PCCA: variants seen among roughly 807,000 people sequenced by gnomAD.
PCCA encodes the protein propionyl-CoA carboxylase alpha chain, mitochondrial.
PCCA carries 74 observed loss-of-function variants against 101.3 expected under a neutral mutation model. The observed-to-expected ratio is 0.73, with a 90% confidence interval of 0.61 to 0.89. The LOEUF is 0.89. Ranked by LOEUF, PCCA falls within the 40% of genes least tolerant of loss-of-function variation. The probability of loss-of-function intolerance (pLI) is 0.00; values close to 1 mark genes in which losing one functional copy is unlikely to be tolerated. For synonymous variants in PCCA, 294 were observed against 313.6 expected, an observed-to-expected ratio of 0.94 and a Z score of 0.66; for missense variants, 891 against 907.0, an observed-to-expected ratio of 0.98 and a Z score of 0.23.
chr13:100,117,351 C>T (rs925496292), intron 4 of PCCA, among the ~76,000 whole-genome samples: 1 of 151,850 alleles, frequency 6.6e-6, no homozygotes, highest in Non-Finnish European at 1.5e-5. Context: ...TATCTGTATA[C>T]CCTTCACCTA....
chr13:100,384,027 A>ATTTTTTTT (rs11301747), intron 19 of PCCA, among the ~76,000 whole-genome samples: 2 of 134,828 alleles, frequency 1.5e-5, no homozygotes, highest in South Asian at 4.8e-4. Flanking sequence ...TGAAAGTTTG[A>ATTTTTTTT]TTTTTTTTTT....
At chr13:100,360,167 A>ACC (rs879886303) in intron 18 of PCCA, among the ~76,000 whole-genome samples, 3 of 141,972 alleles carry the variant, frequency 2.1e-5, no homozygotes, top group African/African-American at 7.8e-5. Context: ...GTGCAGGGAA[A>ACC]CCCCCCCCTT....
chr13:100,466,156 G>C (rs2082501371), intron 21 of PCCA: 1 of 152,266 alleles, frequency 6.6e-6, no homozygotes, highest in Non-Finnish European at 1.5e-5. Flanking sequence ...AGAAGCTGCT[G>C]CTCTTCATTT....
chr13:100,349,857 G>T (rs766643700), intron 18 of PCCA, among the ~76,000 whole-genome samples: 14 of 152,026 alleles, frequency 9.2e-5, no homozygotes, highest in Non-Finnish European at 1.8e-4. Context: ...CTTCCTCTTG[G>T]GTTCTTTGTA....
In PCCA at chr13:100,340,265, G is replaced by A. The variant is rs748896177; in HGVS notation, c.1643+6G>A. On this transcript the variant is annotated splice_donor_region_variant and intron_variant, in intron 18 of 23. Coordinates refer to ENST00000376285, the MANE Select transcript of PCCA (RefSeq NM_000282.4). ...CATTTTCAAGAAAATTCAAGGTATGGTAGATCATTTAAAACAGAATAAATG... is the reference window on the plus strand; with the variant it reads ...CATTTTCAAGAAAATTCAAGGTATGATAGATCATTTAAAACAGAATAAATG... The A allele has an allele frequency of 5.6e-6, 8 of 1,422,404 alleles. No homozygotes were observed. Among genetic ancestry groups the A allele is most frequent in the South Asian group, 2.3e-5 (2 of 87,184 alleles). The allele number at this position is 1,422,404 out of a possible 1,614,324, so 88.1% of individuals were successfully genotyped here.
intron 8 of PCCA, among the ~76,000 whole-genome samples, chr13:100,254,217 T>C (rs1285231412): frequency 1.3e-5 from 2 of 152,116 alleles, no homozygotes; most frequent in East Asian, 3.9e-4. Context: ...ACCGCCCTCA[T>C]GATTCAGTCA....
intron 7 of PCCA, among the ~76,000 whole-genome samples, chr13:100,215,328 T>C (rs1192337742): frequency 2.0e-5 from 3 of 152,242 alleles, no homozygotes; most frequent in African/African-American, 7.2e-5. Flanking sequence ...GCTGTTGATA[T>C]AGTAGTGAAC....
intron 7 of PCCA, among the ~76,000 whole-genome samples, chr13:100,216,056 T>TTTCCC (rs1491327996): frequency 4.6e-5 from 7 of 152,038 alleles, no homozygotes; most frequent in Middle Eastern, 3.4e-3. Context: ...TTTTCCTCCC[T>TTTCCC]TTCCCTTCCC....
chr13:100,339,217 A>AG (rs1219971074), intron 17 of PCCA, among the ~76,000 whole-genome samples: 2 of 152,198 alleles, frequency 1.3e-5, no homozygotes, highest in Non-Finnish European at 2.9e-5. Flanking sequence ...GAAAATGACA[A>AG]GAAAAAAAAG....
In PCCA at chr13:100,530,186, T is replaced by C. The variant is rs759978270; in HGVS notation, c.*20T>C. ...GAATGAAGGATTTATAACCTTTCAG[T>C]CATCACCCAATTTAATTAGCCATTT... On this transcript the variant is annotated 3_prime_UTR_variant, in exon 24 of 24. Coordinates refer to ENST00000376285, the MANE Select transcript of PCCA (RefSeq NM_000282.4). The C allele has an allele frequency of 6.3e-7, 1 of 1,591,838 alleles. No homozygotes were observed.
At chr13:100,251,078 C>A (rs921478827) in intron 8 of PCCA, among the ~76,000 whole-genome samples, 1 of 152,104 alleles carries the variant, frequency 6.6e-6, no homozygotes, top group African/African-American at 2.4e-5. Context: ...GTGGGGAGTT[C>A]TGCTAGTAGG....
chr13:100,474,440 TTCTC>T (rs58811683), intron 21 of PCCA, among the ~76,000 whole-genome samples: 29,810 of 144,038 alleles, frequency 0.21, 3,237 homozygotes, highest in Middle Eastern at 0.28. Flanking sequence ...TATTTACTGT[TTCTC>T]TCTCTCTCTC....
chr13:100,145,723 A>G (rs148947539), intron 4 of PCCA, among the ~76,000 whole-genome samples: 202 of 151,902 alleles, frequency 1.3e-3, no homozygotes, highest in African/African-American at 4.2e-3. Context: ...ATAGCTGGGC[A>G]TGGTGACATA....
At chr13:100,517,075 G>GTGTC (rs1426203206) in intron 22 of PCCA, among the ~76,000 whole-genome samples, 1 of 113,338 alleles carries the variant, frequency 8.8e-6, no homozygotes, top group Non-Finnish European at 2.1e-5. Context: ...GTGTGTGTGT[G>GTGTC]TGTGTGTGTG....
chr13:100,089,806 A>G (rs1008978438), intron 1 of PCCA, among the ~76,000 whole-genome samples: 3 of 152,166 alleles, frequency 2.0e-5, no homozygotes, highest in South Asian at 2.1e-4. Context: ...CATCCCGTGA[A>G]CTTACTTTCC....
chr13:100,148,932 C>G (rs1321730401), intron 4 of PCCA, among the ~76,000 whole-genome samples: 1 of 151,936 alleles, frequency 6.6e-6, no homozygotes, highest in Non-Finnish European at 1.5e-5. Flanking sequence ...TCCAAAATAA[C>G]CATGAATAAA....
chr13:100,372,866 A>G (rs1336015580), intron 19 of PCCA, among the ~76,000 whole-genome samples: 4 of 152,080 alleles, frequency 2.6e-5, no homozygotes, highest in African/African-American at 9.7e-5. Flanking sequence ...CAGCCTCCCA[A>G]GTAGCTGGGA....
chr13:100,482,461 G>T (rs1296382691), intron 21 of PCCA, among the ~76,000 whole-genome samples: 1 of 152,186 alleles, frequency 6.6e-6, no homozygotes. Flanking sequence ...TGAGAAGAGC[G>T]CTGTCTTGTG....
chr13:100,495,306 G>A (rs1290801305), intron 21 of PCCA, among the ~76,000 whole-genome samples: 3 of 152,064 alleles, frequency 2.0e-5, no homozygotes, highest in African/African-American at 7.2e-5. Flanking sequence ...GTAATGTCTC[G>A]TAGCCCCTAT....
Sources: gnomAD v4.1 joint callset for allele counts (sites outside exome capture counted in the v4.1 genomes callset) on GRCh38, gnomAD v4.1.1 for gene constraint, MANE v1.5 for transcripts, NCBI Gene and HGNC (gene_info 2026-07-23, HGNC 2026-07-21) for gene names.